PRMT3: variants seen among roughly 807,000 people sequenced by gnomAD.
The protein encoded by PRMT3 is protein arginine N-methyltransferase 3.
In PRMT3, 62 loss-of-function variants were observed where a neutral mutation model predicts 71.9. The ratio of observed to expected loss-of-function variants is 0.86; its 90% confidence interval spans 0.70 to 1.07. The LOEUF is 1.07. Ranked by LOEUF, PRMT3 falls within the 50% of genes least tolerant of loss-of-function variation. PRMT3 has a pLI of 0.00. For synonymous variants in PRMT3, 213 were observed against 220.4 expected (o/e 0.97, Z 0.30); for missense variants, 663 against 643.0 (o/e 1.03, Z -0.34).
At chr11:20,440,747 C>G (rs1286662138) in intron 10 of PRMT3, among the ~76,000 whole-genome samples, 1 of 152,068 alleles carries the variant, frequency 6.6e-6, no homozygotes. Context: ...GAAGCATCCA[C>G]TGAGTACTTA....
intron 12 of PRMT3, among the ~76,000 whole-genome samples, chr11:20,462,937 C>T (rs1850420826): frequency 6.6e-6 from 1 of 151,956 alleles, no homozygotes; most frequent in Admixed American, 6.6e-5. Context: ...GCAATCTCGG[C>T]TCACTGCAAT....
At chr11:20,396,405 G>A (rs553313624) in intron 6 of PRMT3, among the ~76,000 whole-genome samples, 10 of 152,116 alleles carry the variant, frequency 6.6e-5, no homozygotes, top group Admixed American at 3.3e-4. Context: ...TTGGGAGGCC[G>A]AGGCAGGAGG....
chr11:20,462,271 T>C (rs1850403801), intron 12 of PRMT3, 104 bp downstream of exon 12: 1 of 919,538 alleles, frequency 1.1e-6, no homozygotes. Flanking sequence ...TTCAAAACAG[T>C]ACTTTTCCCA....
intron 13 of PRMT3, among the ~76,000 whole-genome samples, chr11:20,484,420 G>C (rs539197769): frequency 3.4e-5 from 1 of 29,836 alleles, no homozygotes; most frequent in African/African-American, 1.7e-4. Context: ...TGGTTTGGCT[G>C]TGTCCTCACC....
At chr11:20,484,123 C>G (rs981765432) in intron 13 of PRMT3, among the ~76,000 whole-genome samples, 1 of 152,146 alleles carries the variant, frequency 6.6e-6, no homozygotes, top group South Asian at 2.1e-4. Flanking sequence ...TGCAGTTTCA[C>G]CATTTAGATA....
rs1173455216 is a variant in PRMT3 at position 20,392,274 on chromosome 11, T to C, written c.297+14T>C. On this transcript the variant is annotated intron_variant, in intron 4 of 15. Coordinates refer to ENST00000331079, the MANE Select transcript of PRMT3 (RefSeq NM_005788.4). ...ATTAGACTTAAGGTAAGTTGACAGCTTAATTTATAATTTCGTTTAGAAATC... is the reference window on the plus strand; with the variant it reads ...ATTAGACTTAAGGTAAGTTGACAGCCTAATTTATAATTTCGTTTAGAAATC... The C allele has an allele frequency of 6.4e-7, 1 of 1,551,266 alleles. No homozygotes were observed.
At chr11:20,443,546 T>C (rs561217770) in intron 10 of PRMT3, among the ~76,000 whole-genome samples, 1 of 152,334 alleles carries the variant, frequency 6.6e-6, no homozygotes, top group South Asian at 2.1e-4. Context: ...TCCCTGATAA[T>C]GTTTTTAATA....
At chr11:20,448,455 A>G (rs1485991359) in intron 10 of PRMT3, among the ~76,000 whole-genome samples, 3 of 152,146 alleles carry the variant, frequency 2.0e-5, no homozygotes, top group African/African-American at 4.8e-5. Context: ...TGATTATATT[A>G]TATAGGCTTG....
Position 20,508,890 on chromosome 11 carries a change from A to T in PRMT3, c.*477A>T. ...TTTGCTAGAAAATCAGGATGTAATA[A>T]AGATTTGTATAAAAAAACTAAAATA... On this transcript the variant is annotated 3_prime_UTR_variant, in exon 16 of 16. Coordinates refer to ENST00000331079, the MANE Select transcript of PRMT3 (RefSeq NM_005788.4). 5.3e-6 allele frequency: 1 copy of T among 188,612 alleles called. No individual in the cohort carries two copies. Among genetic ancestry groups the T allele is most frequent in the Non-Finnish European group, 1.1e-5 (1 of 88,098 alleles). The allele number at this position is 188,612 out of a possible 1,614,324, so 11.7% of individuals were successfully genotyped here. A position where few individuals can be genotyped will look rare whatever the true frequency, so the allele number is the denominator to read the frequency against.
intron 13 of PRMT3, among the ~76,000 whole-genome samples, chr11:20,486,395 T>C (rs557603345): frequency 3.3e-5 from 5 of 152,044 alleles, no homozygotes; most frequent in African/African-American, 1.2e-4. Context: ...CAAAGAAAAA[T>C]CTCAAAGTTG....
At chr11:20,489,823 T>C (rs897215871) in intron 13 of PRMT3, among the ~76,000 whole-genome samples, 1 of 151,272 alleles carries the variant, frequency 6.6e-6, no homozygotes, top group African/African-American at 2.4e-5. Flanking sequence ...GCAACTGTTG[T>C]CCCAGCTACT....
intron 13 of PRMT3, among the ~76,000 whole-genome samples, chr11:20,490,664 G>A (rs889860983): frequency 6.6e-6 from 1 of 151,928 alleles, no homozygotes; most frequent in Admixed American, 6.6e-5. Flanking sequence ...TTCTAATTCT[G>A]ATTAAAAAAA....
chr11:20,450,165 A>G (rs890685950), intron 10 of PRMT3, among the ~76,000 whole-genome samples: 1 of 152,164 alleles, frequency 6.6e-6, no homozygotes, highest in Admixed American at 6.5e-5. Flanking sequence ...AAAGGATTGG[A>G]ATGTAGTGAA....
At chr11:20,476,126 G>T (rs1324332291) in intron 13 of PRMT3, among the ~76,000 whole-genome samples, 1 of 151,734 alleles carries the variant, frequency 6.6e-6, no homozygotes, top group Non-Finnish European at 1.5e-5. Context: ...GAGGCGAGTG[G>T]ATCACCTCAG....
chr11:20,437,452 G>A (rs1849784972), intron 10 of PRMT3, among the ~76,000 whole-genome samples: 1 of 152,162 alleles, frequency 6.6e-6, no homozygotes, highest in East Asian at 1.9e-4. Flanking sequence ...GGAATGGTGT[G>A]GTGAGTATGT....
intron 9 of PRMT3, among the ~76,000 whole-genome samples, chr11:20,414,640 A>T (rs922137264): frequency 2.0e-5 from 3 of 152,126 alleles, no homozygotes; most frequent in African/African-American, 7.2e-5. Context: ...TCATTGACAC[A>T]GTTATGGAAT....
At chr11:20,423,520 T>C (rs944478626) in intron 9 of PRMT3, among the ~76,000 whole-genome samples, 14 of 152,152 alleles carry the variant, frequency 9.2e-5, no homozygotes, top group African/African-American at 3.1e-4. Context: ...AGATCATATG[T>C]CCTGCAAGTC....
At chr11:20,390,223 T>C (rs1471220224) in intron 3 of PRMT3, among the ~76,000 whole-genome samples, 1 of 152,140 alleles carries the variant, frequency 6.6e-6, no homozygotes, top group Non-Finnish European at 1.5e-5. Context: ...ACGAGTTTAA[T>C]ATGGCGAATC....
chr11:20,417,046 A>G lies in PRMT3; in HGVS notation c.893+9014A>G, dbSNP rs183947215. ...CCACTTTGTAAACCTCTTGACTCCAATGGTTTGCGTTGTGAAGAATGGCTC... is the reference window on the plus strand; with the variant it reads ...CCACTTTGTAAACCTCTTGACTCCAGTGGTTTGCGTTGTGAAGAATGGCTC... On this transcript the variant is annotated intron_variant, in intron 9 of 15. Transcript: ENST00000331079. Among the ~76,000 whole-genome samples the G allele has an allele frequency of 1.2e-3, 190 of 152,210 alleles. 1 individual carries two copies. Among genetic ancestry groups the G allele is most frequent in the East Asian group, 4.1e-3 (21 of 5,174 alleles).
Sources: allele counts gnomAD v4.1 joint callset (sites outside exome capture counted in the v4.1 genomes callset), GRCh38; gene constraint gnomAD v4.1.1; transcripts MANE v1.5; gene names NCBI Gene and HGNC (gene_info 2026-07-23, HGNC 2026-07-21).